Variants in NXF3 observed in about 807,000 individuals in gnomAD.
NXF3 encodes TAP-like protein 3.
In NXF3, 34 loss-of-function variants were observed where a neutral mutation model predicts 48.4. The ratio of observed to expected loss-of-function variants is 0.70; its 90% CI spans 0.53 to 0.93. The LOEUF (loss-of-function observed/expected upper bound fraction) is 0.93. Ranked by LOEUF, NXF3 falls within the 40% of genes least tolerant of loss-of-function variation. The probability of loss-of-function intolerance (pLI) is 0.00; values close to 1 mark genes in which losing one functional copy is unlikely to be tolerated. For missense variants in NXF3, 359 were observed against 406.1 expected, an observed-to-expected ratio of 0.88 and a Z score of 1.00; for synonymous variants, 132 against 145.7, an observed-to-expected ratio of 0.91 and a Z score of 0.68.
chrX:103,079,921 G>A (rs775025954), intron 12 of NXF3, 51 bp from the exon 13 acceptor site: 4 of 1,186,029 alleles, frequency 3.4e-6, no homozygotes, highest in Non-Finnish European at 4.6e-6. Flanking sequence ...GGTGCCAAAT[G>A]AGTCTTGAAA....
rs756399045 is a variant in NXF3, at chrX:103,082,367, G to A, written c.781-3C>T. On this transcript the variant is annotated splice_region_variant and splice_polypyrimidine_tract_variant and intron_variant, in intron 8 of 19. Transcript: ENST00000395065. ...TCCATCTCCCCTGCAGACATCACCT[G>A]CAATTATGCAGAAGAACCACGTAGA... 8.6e-7 allele frequency: 1 copy of A among 1,160,152 alleles called. No homozygotes were observed. Among genetic ancestry groups the A allele is most frequent in the Admixed American group, 2.2e-5 (1 of 45,751 alleles).
rs367812192 is a variant in NXF3 at position 103,083,174 on chromosome X, T to G, written c.621+19A>C. 10 of 1,205,725 alleles carry G rather than the reference T, an allele frequency of 8.3e-6. No homozygotes were observed. Among genetic ancestry groups the G allele is most frequent in the Non-Finnish European group, 9.0e-6 (8 of 891,938 alleles). On this transcript the variant is annotated intron_variant, in intron 6 of 19. Coordinates refer to ENST00000395065, the MANE Select transcript of NXF3 (RefSeq NM_022052.2). ...TGGGTCTGGCTTTGTGTGAACAACT[T>G]GCCATGAGTCTGTGTTACCTTTATC...
At position 103,079,342 on chromosome X, in the gene NXF3, A is replaced by G. The variant is rs1229205648; in HGVS notation, c.1335+17T>C. On this transcript the variant is annotated intron_variant, in intron 15 of 19. Transcript: ENST00000395065. ...CTGGCTTTCTGGGCCTGCCCAAGGG[A>G]GGAAGCAGGTACTCACCGTCTGGTA... The G allele has an allele frequency of 4.1e-6, 5 of 1,206,461 alleles. No homozygotes were observed.
Position 103,082,240 on chromosome X carries a change from G to A in NXF3, c.890+15C>T, listed in dbSNP as rs200078852. Reference sequence around the variant, plus strand: ...CAGGTCAGGGTCCCAGGTGGTGACAGAGGGTACAACTGACTTTATGTTGCT... The same window carrying A: ...CAGGTCAGGGTCCCAGGTGGTGACAAAGGGTACAACTGACTTTATGTTGCT... On this transcript the variant is annotated intron_variant, in intron 9 of 19. Transcript: ENST00000395065. The A allele has an allele frequency of 8.8e-7, 1 of 1,140,369 alleles. No individual in the cohort carries two copies. The highest frequency in any genetic ancestry group is 1.8e-5 in the African/African-American group (1 of 55,829). 94.0% of individuals were successfully genotyped at this position (1,140,369 alleles called of 1,213,427 possible).
At chrX:103,092,962 A>T (rs1449707566) in intron 1 of NXF3, 34 bp downstream of exon 1, 7 of 1,193,617 alleles carry the variant, frequency 5.9e-6, no homozygotes, top group Non-Finnish European at 7.9e-6. Context: ...GCCCTGTGAG[A>T]CCTGAGACTC....
rs1274982275 is a variant in NXF3, at chrX:103,083,456, C to G, written c.482G>C (p.Ser161Thr). 1.2e-5 allele frequency: 14 copies of G among 1,211,339 alleles called. No homozygotes were observed. The highest frequency in any genetic ancestry group is 1.6e-5 in the Non-Finnish European group (14 of 894,918). ...MHASFFVENASIAYALKNVSG... is the reference protein window; with the variant it reads ...MHASFFVENATIAYALKNVSG... ...GACATTCTTCAGTGCATAGGCGATG[C>G]TGGCATTCTCCACAAAGAAGCTGGC... Residue 161 changes from serine (S) to threonine (T), a missense_variant, in exon 5 of 20, where the codon AGC (serine) becomes ACC (threonine). Ser to Thr is a moderately conservative substitution (Grantham distance 58). Transcript: ENST00000395065.
chrX:103,078,603 C>T lies in NXF3; in HGVS notation c.1408G>A (p.Ala470Thr), dbSNP rs184464975. 84 of 1,210,483 alleles carry T rather than the reference C, an allele frequency of 6.9e-5. No individual in the cohort carries two copies. Among genetic ancestry groups the T allele is most frequent in the African/African-American group, 3.7e-4 (21 of 57,288 alleles). Residue 470 changes from alanine (A) to threonine (T), a missense_variant, in exon 17 of 20, where the codon GCC becomes ACC. Transcript: ENST00000395065. ...VEGQSQGSVL[A>T]FTRTFIATPG... ...GTAGCAATGAAGGTCCGGGTGAAGG[C>T]GAGAACAGAACCCTGAGACTGTCCT...
In NXF3 at chrX:103,088,367, G is replaced by A. The variant is rs775817599; in HGVS notation, c.29-3484C>T. 7.2e-4 allele frequency: 395 copies of A among 548,039 alleles called. 3 individuals are homozygous for A. The South Asian group carries it at 9.4e-3, about 13-fold the overall frequency. 45.2% of individuals were successfully genotyped at this position (548,039 alleles called of 1,213,427 possible). A position where few individuals can be genotyped will look rare whatever the true frequency, so the allele number is the denominator to read the frequency against. ...TTTGTGGGTTCTCTTGGCAAACATG[G>A]AACATATAAAACAATTGGCAATAAA... is the stretch of plus-strand genomic sequence containing the variant. On this transcript the variant is annotated intron_variant, in intron 1 of 19. Coordinates refer to ENST00000395065, the MANE Select transcript of NXF3 (RefSeq NM_022052.2).
chrX:103,077,775 C>A (rs776341991), intron 17 of NXF3, 29 bp from the exon 18 acceptor site: 1 of 1,205,415 alleles, frequency 8.3e-7, no homozygotes, highest in South Asian at 1.8e-5. Flanking sequence ...ATCAGGTAGC[C>A]GGAGAGAAGG....
intron 1 of NXF3, chrX:103,087,189 G>A: frequency 1.4e-6 from 1 of 696,827 alleles, no homozygotes; most frequent in Middle Eastern, 3.9e-4. Context: ...CTACATCACT[G>A]AAGAATATGA....
intron 18 of NXF3, among the ~76,000 whole-genome samples, 197 bp downstream of exon 18, chrX:103,077,417 A>AT (rs1391290421): frequency 9.2e-6 from 1 of 108,846 alleles, no homozygotes; most frequent in African/African-American, 3.4e-5. Flanking sequence ...CGCCCAGCTA[A>AT]TTTTTTTTCT....
rs967001287 is a variant in NXF3 at position 103,084,807 on chromosome X, T to C, written c.105A>G (p.Glu35=). 2 of 1,211,276 alleles carry C rather than the reference T, an allele frequency of 1.7e-6. No homozygotes were observed. Among genetic ancestry groups the C allele is most frequent in the African/African-American group, 3.5e-5 (2 of 57,856 alleles). ...AAGAATGCATGCCAGGATTGACAGG[T>C]TCAGACCTACTGCTAAATCTCCTTT... ...IYQRRFSSRS[E]PVNPGMHSSS... is the part of the protein sequence containing the mutation. The change falls in exon 2 of 20, where the codon GAA becomes GAG. Residue 35 remains glutamate (E), a synonymous_variant. Transcript: ENST00000395065.
intron 8 of NXF3, 70 bp from the exon 9 acceptor site, chrX:103,082,434 C>T (rs2147592996): frequency 1.4e-6 from 1 of 711,319 alleles, no homozygotes. Flanking sequence ...CCTCAGTCTC[C>T]TCCCTTGCCA....
intron 1 of NXF3, chrX:103,088,055 T>C (rs1922195784): frequency 3.3e-6 from 3 of 900,557 alleles, no homozygotes; most frequent in Non-Finnish European, 4.8e-6. Context: ...GTCCACTCAA[T>C]TTATATTGTC....
At position 103,082,284 on chromosome X, in the gene NXF3, C is replaced by A; in HGVS notation, c.861G>T (p.Thr287=). The change falls in exon 9 of 20, where the codon ACG becomes ACT. Residue 287 remains threonine (T), a synonymous_variant. Coordinates refer to ENST00000395065, the MANE Select transcript of NXF3 (RefSeq NM_022052.2). ...EKCADRSPVC[T]TFSDTSSNIN... is the part of the protein sequence containing the mutation. ...TGTTGCTGGAGGTATCCGAGAAGGT[C>A]GTGCACACTGGGCTTCTGTCCGCAC... 1 of 1,208,054 alleles carries A rather than the reference C, an allele frequency of 8.3e-7. No homozygotes were observed. Among genetic ancestry groups the A allele is most frequent in the Non-Finnish European group, 1.1e-6 (1 of 892,452 alleles).
chrX:103,087,666 ATATT>A, intron 1 of NXF3: 1 of 1,015,707 alleles, frequency 9.8e-7, no homozygotes, highest in East Asian at 3.0e-5. Flanking sequence ...AGAAGAAAGA[ATATT>A]CATGCATATA....
At chrX:103,081,369 A>C (rs1894464) in intron 9 of NXF3, 2 of 112,357 alleles carry the variant, frequency 1.8e-5, no homozygotes, top group Non-Finnish European at 3.8e-5. Flanking sequence ...TGAAGGGTCA[A>C]GCCCCAGCTC....
At chrX:103,092,903 G>C (rs777937241) in intron 1 of NXF3, 93 bp downstream of exon 1, 32 of 878,930 alleles carry the variant, frequency 3.6e-5, no homozygotes, top group Non-Finnish European at 5.0e-5. Context: ...AGATTGGCTG[G>C]GTGTTATGTG....
chrX:103,088,504 A>C, intron 1 of NXF3: 1 of 1,037,202 alleles, frequency 9.6e-7, no homozygotes, highest in Non-Finnish European at 1.3e-6. Flanking sequence ...TTGATAATTC[A>C]GTGAATAAGA....
Sources: gnomAD v4.1 joint callset for allele counts (sites outside exome capture counted in the v4.1 genomes callset) on GRCh38, gnomAD v4.1.1 for gene constraint, MANE v1.5 for transcripts, NCBI Gene and HGNC (gene_info 2026-07-23, HGNC 2026-07-21) for gene names.